The following ACAT2 variants were observed in gnomAD, a reference collection of about 807,000 sequenced individuals.
ACAT2 encodes the protein acetyl-CoA acetyltransferase 2.
In ACAT2, 26 loss-of-function variants were observed where a neutral mutation model predicts 37.1. That is an observed-to-expected ratio of 0.70 (90% CI 0.51 to 0.97). The LOEUF (loss-of-function observed/expected upper bound fraction) is 0.97, where lower values mean the gene tolerates loss of function less well. Among genes scored for constraint, ACAT2 ranks in the 50% least tolerant of loss-of-function variants. ACAT2 has a pLI of 0.00. For missense variants in ACAT2, 468 were observed against 489.0 expected (o/e 0.96, Z 0.40); for synonymous variants, 156 against 163.6 (o/e 0.95, Z 0.35).
At position 159,778,744 on chromosome 6, in the gene ACAT2, T is replaced by G; in HGVS notation, c.1109T>G (p.Leu370Arg). ...ATTCTTGTGACCCTGTTACACACAC[T>G]GGAGAGAATGGGCAGAAGTCGTGGT... The part of the protein sequence containing the change: ...CRILVTLLHT[L>R]ERMGRSRGVA... The change falls in exon 9 of 9, where the codon CTG becomes CGG. Residue 370 changes from leucine to arginine, a missense_variant. Coordinates refer to ENST00000367048, the MANE Select transcript of ACAT2 (RefSeq NM_005891.3). The G allele has an allele frequency of 6.2e-7, 1 of 1,614,208 alleles. No individual in the cohort carries two copies. The highest frequency in any genetic ancestry group is 8.5e-7 in the Non-Finnish European group (1 of 1,180,024).
At chr6:159,773,724 A>G (rs1237748787) in intron 4 of ACAT2, among the ~76,000 whole-genome samples, 2 of 152,354 alleles carry the variant, frequency 1.3e-5, no homozygotes, top group Non-Finnish European at 2.9e-5. Context: ...CAAGTATTGA[A>G]AAATTTCAGC....
Position 159,763,002 on chromosome 6 carries a change from G to A in ACAT2, c.139G>A (p.Val47Met). 6.2e-7 allele frequency: 1 copy of A among 1,614,150 alleles called. No homozygotes were observed. Among genetic ancestry groups the A allele is most frequent in the Non-Finnish European group, 8.5e-7 (1 of 1,180,018 alleles). Residue 47 changes from valine (V) to methionine (M), a missense_variant, in exon 2 of 9, where the codon GTG becomes ATG. Val to Met is a conservative substitution (Grantham distance 21, BLOSUM62 1). Coordinates refer to ENST00000367048, the MANE Select transcript of ACAT2 (RefSeq NM_005891.3). ...VIKEVLKRAT[V>M]APEDVSEVIF... ...CAAAGAAGTCTTGAAGAGGGCCACT[G>A]TGGCTCCGGAAGATGTGTCTGAGGT...
chr6:159,772,802 C>T (rs992511045), intron 4 of ACAT2, among the ~76,000 whole-genome samples: 4 of 147,440 alleles, frequency 2.7e-5, no homozygotes, highest in African/African-American at 7.6e-5. Flanking sequence ...AGTGAGACAT[C>T]ATCCAACAAA....
chr6:159,762,137 T>C lies in ACAT2; in HGVS notation c.50T>C (p.Ile17Thr). Reference protein sequence around the residue: ...PVVIVSAARTIIGSFNGALAA... With the variant: ...PVVIVSAARTTIGSFNGALAA... The stretch of plus-strand genomic sequence containing the variant: ...GTCATCGTCTCGGCGGCGCGGACCA[T>C]CATAGGTGAGTGGCCGGCGGGAGCC... Residue 17 changes from isoleucine to threonine, a missense_variant, in exon 1 of 9, where the codon ATC becomes ACC. Ile to Thr is a moderately conservative substitution (Grantham distance 89). Transcript: ENST00000367048. The C allele has an allele frequency of 6.2e-7, 1 of 1,611,676 alleles. No homozygotes were observed. The highest frequency in any genetic ancestry group is 1.3e-5 in the African/African-American group (1 of 74,896).
chr6:159,767,350 G>T (rs1217344144), intron 3 of ACAT2, among the ~76,000 whole-genome samples, 164 bp downstream of exon 3: 2 of 152,224 alleles, frequency 1.3e-5, no homozygotes, highest in Non-Finnish European at 2.9e-5. Flanking sequence ...GTATTCTTCA[G>T]TTTGGGTGGG....
chr6:159,762,083 G>C lies in ACAT2; in HGVS notation c.-5G>C. 6.2e-7 allele frequency: 1 copy of C among 1,613,060 alleles called. No individual in the cohort carries two copies. The highest frequency in any genetic ancestry group is 1.1e-5 in the South Asian group (1 of 90,854). ...CGCAGGGCAGACGGCGGCAGGAGAAGCAAGATGAATGCAGGCTCAGATCCT... is the reference window on the plus strand; with the variant it reads ...CGCAGGGCAGACGGCGGCAGGAGAACCAAGATGAATGCAGGCTCAGATCCT... On this transcript the variant is annotated 5_prime_UTR_variant, in exon 1 of 9. Coordinates refer to ENST00000367048, the MANE Select transcript of ACAT2 (RefSeq NM_005891.3).
intron 7 of ACAT2, 22 bp from the exon 8 acceptor site, chr6:159,778,148 T>C (rs748106875): frequency 2.6e-6 from 4 of 1,555,604 alleles, no homozygotes; most frequent in South Asian, 1.1e-5. Context: ...TTAGACCTCT[T>C]TTCTATGAAT....
intron 1 of ACAT2, 111 bp downstream of exon 1, chr6:159,762,253 G>C: frequency 7.2e-7 from 1 of 1,386,026 alleles, no homozygotes; most frequent in Non-Finnish European, 9.6e-7. Flanking sequence ...AGCCGGTCAG[G>C]CCAAGCCGCG....
intron 5 of ACAT2, chr6:159,775,822 T>G: frequency 3.9e-6 from 1 of 254,852 alleles, no homozygotes; most frequent in Non-Finnish European, 7.6e-6. Context: ...GCTTTGAGAC[T>G]GCCTGATCCA....
chr6:159,770,426 T>C (rs1780317491), intron 4 of ACAT2, among the ~76,000 whole-genome samples: 1 of 152,198 alleles, frequency 6.6e-6, no homozygotes, highest in African/African-American at 2.4e-5. Context: ...GAGGAATAGA[T>C]GTGGACATCT....
intron 7 of ACAT2, 79 bp from the exon 8 acceptor site, chr6:159,778,091 A>G: frequency 1.1e-6 from 1 of 926,710 alleles, no homozygotes; most frequent in South Asian, 1.5e-5. Flanking sequence ...TGCAGCATAT[A>G]TTTATGTTGA....
chr6:159,778,872 T>G lies in ACAT2; in HGVS notation c.*43T>G, dbSNP rs1286662274. The G allele has an allele frequency of 1.9e-6, 3 of 1,612,486 alleles. No individual in the cohort carries two copies. The East Asian group carries it at 6.7e-5, about 36-fold the overall frequency. On this transcript the variant is annotated 3_prime_UTR_variant, in exon 9 of 9. Transcript: ENST00000367048. ...CAACCTCAATTTCTTTTTAAACTAA[T>G]AAAGTACTAGGTTGCAATATGTGAA...
chr6:159,771,392 A>G (rs575518423), intron 4 of ACAT2, among the ~76,000 whole-genome samples: 1 of 152,188 alleles, frequency 6.6e-6, no homozygotes, highest in Non-Finnish European at 1.5e-5. Flanking sequence ...AAAAAATAAA[A>G]TATAAATGAA....
intron 7 of ACAT2, 93 bp downstream of exon 7, chr6:159,777,549 A>G: frequency 7.4e-7 from 1 of 1,356,952 alleles, no homozygotes; most frequent in East Asian, 2.5e-5. Context: ...TTTCCCTACC[A>G]GAAGAGTAAC....
intron 6 of ACAT2, among the ~76,000 whole-genome samples, chr6:159,776,968 A>G (rs889368150): frequency 3.3e-5 from 5 of 152,106 alleles, no homozygotes; most frequent in African/African-American, 1.2e-4. Flanking sequence ...TTCTATTTTA[A>G]GTAGAGATGG....
rs377451673 is a variant in ACAT2 at position 159,778,194 on chromosome 6, G to C, written c.937G>C (p.Glu313Gln). ...QAVTKAGWSLEDVDIFEINEA... is the reference protein window; with the variant it reads ...QAVTKAGWSLQDVDIFEINEA... ...GGTTACAAAAGCAGGTTGGTCACTG[G>C]AAGATGTTGACATATTTGAAATCAA... is the stretch of plus-strand genomic sequence containing the variant. Residue 313 changes from glutamate to glutamine, a missense_variant, in exon 8 of 9, where the codon GAA becomes CAA. Glu to Gln is a conservative substitution (Grantham distance 29, BLOSUM62 2). Coordinates refer to ENST00000367048, the MANE Select transcript of ACAT2 (RefSeq NM_005891.3). The C allele has an allele frequency of 1.2e-6, 2 of 1,612,312 alleles. No individual in the cohort carries two copies. Among genetic ancestry groups the C allele is most frequent in the Non-Finnish European group, 1.7e-6 (2 of 1,179,464 alleles).
intron 2 of ACAT2, among the ~76,000 whole-genome samples, chr6:159,765,437 T>C (rs891460137): frequency 6.6e-6 from 1 of 151,346 alleles, no homozygotes; most frequent in African/African-American, 2.4e-5. Flanking sequence ...TTCTTCTTTT[T>C]CTTTTTTTTG....
Position 159,767,206 on chromosome 6 carries a change from G to C in ACAT2, c.372+20G>C. ...AGCAAGGTAAGGCCTCTCTGATGAGGTGGCTTTCACTGACCTCACACTGAG... is the reference window on the plus strand; with the variant it reads ...AGCAAGGTAAGGCCTCTCTGATGAGCTGGCTTTCACTGACCTCACACTGAG... On this transcript the variant is annotated intron_variant, in intron 3 of 8. Coordinates refer to ENST00000367048, the MANE Select transcript of ACAT2 (RefSeq NM_005891.3). The C allele has an allele frequency of 6.2e-7, 1 of 1,612,996 alleles. No individual in the cohort carries two copies. The highest frequency in any genetic ancestry group is 8.5e-7 in the Non-Finnish European group (1 of 1,179,234).
intron 2 of ACAT2, among the ~76,000 whole-genome samples, chr6:159,765,263 C>T (rs2114976178): frequency 6.6e-6 from 1 of 151,822 alleles, no homozygotes; most frequent in South Asian, 2.1e-4. Flanking sequence ...TTACAGGTGC[C>T]TGCCACTGTG....
Sources: gnomAD v4.1 joint callset for allele counts (sites outside exome capture counted in the v4.1 genomes callset) on GRCh38, gnomAD v4.1.1 for gene constraint, MANE v1.5 for transcripts, NCBI Gene and HGNC (gene_info 2026-07-23, HGNC 2026-07-21) for gene names.